RAD51D: variants seen among roughly 807,000 people sequenced by gnomAD.
The protein encoded by RAD51D is RAD51 paralog D, also known as DNA repair protein RAD51 homolog 4.
A neutral mutation model predicts 44.1 loss-of-function variants in RAD51D; 38 were observed. That is an observed-to-expected ratio of 0.86 (90% CI 0.67 to 1.13). RAD51D has a LOEUF of 1.13. Ranked by LOEUF, RAD51D falls within the 50% of genes most tolerant of loss-of-function variation. The pLI, the probability that RAD51D is intolerant of heterozygous loss-of-function variation, is 0.00. For synonymous variants in RAD51D, 141 were observed against 166.6 expected (o/e 0.85, Z 1.18); for missense variants, 390 against 414.0 (o/e 0.94, Z 0.50).
At chr17:35,117,046 T>A in intron 3 of RAD51D, 1 of 1,608,368 alleles carries the variant, frequency 6.2e-7, no homozygotes. Flanking sequence ...GTCTGTTGGA[T>A]TTATAAACTC....
chr17:35,107,880 G>A (rs563101207), intron 3 of RAD51D, among the ~76,000 whole-genome samples: 6 of 147,188 alleles, frequency 4.1e-5, no homozygotes, highest in South Asian at 2.3e-4. Context: ...TCAGCCTCCC[G>A]AGTAGCTGGG....
In RAD51D at chr17:35,119,614, G is replaced by A. The variant is rs1362923396; in HGVS notation, c.-1C>T. ...ACAGTCCGACCCTGAGCACGCCCAT[G>A]TTCCCCGCAGGCCGGAACAGCCCCA... On this transcript the variant is annotated 5_prime_UTR_variant, in exon 1 of 10. Transcript: ENST00000345365. The A allele has an allele frequency of 1.9e-6, 3 of 1,610,648 alleles. No individual in the cohort carries two copies. The highest frequency in any genetic ancestry group is 1.7e-5 in the Admixed American group (1 of 60,010).
chr17:35,111,369 G>A (rs1415873935), intron 3 of RAD51D, among the ~76,000 whole-genome samples: 2 of 142,062 alleles, frequency 1.4e-5, no homozygotes. Context: ...AAAAAAAAAA[G>A]AGAGAGAGAG....
intron 3 of RAD51D, among the ~76,000 whole-genome samples, chr17:35,117,879 C>T (rs1446022479): frequency 6.6e-6 from 1 of 152,156 alleles, no homozygotes; most frequent in Non-Finnish European, 1.5e-5. Context: ...CACATACTCC[C>T]GCGCTTGAGC....
Position 35,119,627 on chromosome 17 carries a change from C to T in RAD51D, c.-14G>A, listed in dbSNP as rs2142481307. 1 of 1,609,282 alleles carries T rather than the reference C, an allele frequency of 6.2e-7. No individual in the cohort carries two copies. Among genetic ancestry groups the T allele is most frequent in the Non-Finnish European group, 8.5e-7 (1 of 1,179,890 alleles). ...GAGCACGCCCATGTTCCCCGCAGGCCGGAACAGCCCCAGGGGGACTGCACG... is the reference window on the plus strand; with the variant it reads ...GAGCACGCCCATGTTCCCCGCAGGCTGGAACAGCCCCAGGGGGACTGCACG... On this transcript the variant is annotated 5_prime_UTR_variant, in exon 1 of 10. Transcript: ENST00000345365.
rs144603589 is a variant in RAD51D at position 35,107,091 on chromosome 17, T to C, written c.377A>G (p.His126Arg). ...ATATAGGACGTTTTGCTGCAGGCCA[T>C]GGGCCACATTTGCTGCCATACAGAG... ...VCLCMAANVA[H>R]GLQQNVLYVD... Residue 126 changes from histidine (H) to arginine (R), a missense_variant, in exon 5 of 10, where the codon CAT becomes CGT. Physicochemically the swap from His to Arg is conservative, Grantham distance 29. Transcript: ENST00000345365. 3 of 1,614,076 alleles carry C rather than the reference T, an allele frequency of 1.9e-6. No homozygotes were observed. The highest frequency in any genetic ancestry group is 1.1e-5 in the South Asian group (1 of 91,082).
Position 35,092,942 on chromosome 17 carries a change from CAG to C in RAD51D, c.*8009_*8010del, listed in dbSNP as rs2091465529. 1 of 152,172 alleles carries C rather than the reference CAG, an allele frequency of 6.6e-6. No individual in the cohort carries two copies. The highest frequency in any genetic ancestry group is 1.5e-5 in the Non-Finnish European group (1 of 68,052). 9.4% of individuals were successfully genotyped at this position (152,172 alleles called of 1,614,324 possible). ...AACTGGCTACACTGTTTGCAAGAAA[CAG>C]TGCAAAATATGGGATGCTTGTTTAA... On this transcript the variant is annotated 3_prime_UTR_variant, in exon 10 of 10. Transcript: ENST00000345365.
intron 3 of RAD51D, among the ~76,000 whole-genome samples, chr17:35,111,464 T>C (rs1357976350): frequency 6.6e-6 from 1 of 151,872 alleles, no homozygotes; most frequent in Non-Finnish European, 1.5e-5. Context: ...CTCGGGAGGC[T>C]TGGGGTGGAA....
Position 35,119,159 on chromosome 17 carries a change from AAC to A in RAD51D, c.94_95del (p.Val32PhefsTer38), listed in dbSNP as rs786203137. On this transcript the variant is annotated frameshift_variant, in exon 2 of 10. Coordinates refer to ENST00000345365, the MANE Select transcript of RAD51D (RefSeq NM_002878.4). LOFTEE classifies it high-confidence loss of function. ...GAGCTACCTCTTCCAGGTCTGCAGA[AAC>A]CAGGTCCACCACTGAAAACAAAACA... ...SHRIKTVVDL[V>X]SADLEEVAQK... The A allele has an allele frequency of 6.2e-7, 1 of 1,613,954 alleles. No homozygotes were observed. The highest frequency in any genetic ancestry group is 1.7e-5 in the Admixed American group (1 of 60,026).
Position 35,101,307 on chromosome 17 carries a change from C to T in RAD51D, c.797G>A (p.Arg266His), listed in dbSNP as rs779808083. The change falls in exon 9 of 10, where the codon CGC becomes CAC. Residue 266 changes from arginine (R) to histidine (H), a missense_variant. Coordinates refer to ENST00000345365, the MANE Select transcript of RAD51D (RefSeq NM_002878.4). ...DSGRLKPALGRSWSFVPSTRI... is the reference protein window; with the variant it reads ...DSGRLKPALGHSWSFVPSTRI... ...AGTGCTGGGCACAAAGCTCCAGGAG[C>T]GTCCGAGGGCAGGTTTGAGCCTCCC... 8.1e-6 allele frequency: 13 copies of T among 1,613,986 alleles called. No homozygotes were observed. Among genetic ancestry groups the T allele is most frequent in the African/African-American group, 6.7e-5 (5 of 74,886 alleles).
In RAD51D at chr17:35,107,443, CAAGACTGATGG is replaced by C; in HGVS notation, c.264-7_267del. 1 of 1,543,986 alleles carries C rather than the reference CAAGACTGATGG, an allele frequency of 6.5e-7. No homozygotes were observed. The highest frequency in any genetic ancestry group is 2.2e-5 in the East Asian group (1 of 44,542). On this transcript the variant is annotated splice_acceptor_variant and splice_polypyrimidine_tract_variant and coding_sequence_variant and intron_variant, in exon 4 of 10. Transcript: ENST00000345365. LOFTEE classifies it high-confidence loss of function. ...TAGAGACCAGCATCAAGCAGTTTAT[CAAGACTGATGG>C]CAGAAGAGAAGAAAATCAACACAAG...
rs372975479 is a variant in RAD51D at position 35,116,480 on chromosome 17, TTTTTATTTTA to T, written c.263+2011_263+2020del. ...TCTTCACCTATAGAATGATGATTTATTTTTATTTTATTTTATTTTATTTTATTTTTTTGAG... is the reference window on the plus strand; with the variant it reads ...TCTTCACCTATAGAATGATGATTTATTTTTATTTTATTTTATTTTTTTGAG... On this transcript the variant is annotated intron_variant, in intron 3 of 9. Transcript: ENST00000345365. Among the ~76,000 whole-genome samples the T allele has an allele frequency of 4.0e-5, 6 of 150,966 alleles. No homozygotes were observed. The East Asian group carries it at 5.8e-4, about 15-fold the overall frequency.
intron 3 of RAD51D, among the ~76,000 whole-genome samples, chr17:35,111,319 A>G (rs988960747): frequency 2.0e-5 from 3 of 150,120 alleles, no homozygotes; most frequent in African/African-American, 7.4e-5. Context: ...ACGCCATTGC[A>G]CTCCAGGTCA....
intron 3 of RAD51D, among the ~76,000 whole-genome samples, chr17:35,110,807 A>G (rs1483825327): frequency 6.6e-6 from 1 of 152,144 alleles, no homozygotes; most frequent in Non-Finnish European, 1.5e-5. Flanking sequence ...CCCTGTCTCT[A>G]TAAAAAAAAT....
intron 3 of RAD51D, chr17:35,117,015 C>G: frequency 6.2e-7 from 1 of 1,613,432 alleles, no homozygotes; most frequent in East Asian, 2.2e-5. Flanking sequence ...TCCCAGGTTC[C>G]CACTTGAGTG....
rs2091612775 is a variant in RAD51D, at chr17:35,107,006, G to A, written c.462C>T (p.Thr154=). ...CCCTTACCTGTTCCTCCTCATCCTG[G>A]GTTTTAGCCTGAAGCAGCTGGAGGA... is the stretch of plus-strand genomic sequence containing the variant. ...SRLLQLLQAK[T]QDEEEQAEAL... is the part of the protein sequence containing the mutation. The change falls in exon 5 of 10, where the codon ACC becomes ACT. Residue 154 remains threonine, a synonymous_variant. Coordinates refer to ENST00000345365, the MANE Select transcript of RAD51D (RefSeq NM_002878.4). The A allele has an allele frequency of 6.2e-7, 1 of 1,614,164 alleles. No homozygotes were observed.
chr17:35,096,583 G>A lies in RAD51D; in HGVS notation c.*4370C>T, dbSNP rs757468996. 7.2e-5 allele frequency: 11 copies of A among 152,240 alleles called. No individual in the cohort carries two copies. The highest frequency in any genetic ancestry group is 1.6e-4 in the Non-Finnish European group (11 of 68,066). 9.4% of individuals were successfully genotyped at this position (152,240 alleles called of 1,614,324 possible). ...TCAGAGATAATAAGTGTCCCTGCCAGGCATGGTGGCTCATGACTGTAATCC... is the reference window on the plus strand; with the variant it reads ...TCAGAGATAATAAGTGTCCCTGCCAAGCATGGTGGCTCATGACTGTAATCC... On this transcript the variant is annotated 3_prime_UTR_variant, in exon 10 of 10. Transcript: ENST00000345365.
chr17:35,106,126 A>ATT (rs759916606), intron 6 of RAD51D: 1 of 636,142 alleles, frequency 1.6e-6, no homozygotes, highest in Admixed American at 1.8e-5. Flanking sequence ...TTCCTCACTC[A>ATT]CCTAGTGGGG....
chr17:35,106,329 C>T (rs1332439710), intron 6 of RAD51D, 57 bp downstream of exon 6: 16 of 1,441,142 alleles, frequency 1.1e-5, no homozygotes, highest in Non-Finnish European at 1.5e-5. Flanking sequence ...CACCTGCCCA[C>T]AGAGATAGCA....
Sources: allele counts gnomAD v4.1 joint callset (sites outside exome capture counted in the v4.1 genomes callset), GRCh38; gene constraint gnomAD v4.1.1; transcripts MANE v1.5; gene names NCBI Gene and HGNC (gene_info 2026-07-23, HGNC 2026-07-21).